CCDC102B: variants seen among roughly 807,000 people sequenced by gnomAD.
CCDC102B encodes coiled-coil domain-containing protein 102B.
A neutral mutation model predicts 57.4 loss-of-function variants in CCDC102B; 75 were observed. The ratio of observed to expected loss-of-function variants is 1.31; its 90% CI spans 1.08 to 1.58. The LOEUF (loss-of-function observed/expected upper bound fraction) is 1.58. CCDC102B is among the 40% of genes most tolerant of loss of function. The probability of loss-of-function intolerance (pLI) is 0.00; values close to 1 mark genes in which losing one functional copy is unlikely to be tolerated. For synonymous variants in CCDC102B, 206 were observed against 201.9 expected, an observed-to-expected ratio of 1.02 and a Z score of -0.17; for missense variants, 636 against 582.6, an observed-to-expected ratio of 1.09 and a Z score of -0.94.
chr18:68,730,328 C>G (rs1329585374), intron 2 of CCDC102B, among the ~76,000 whole-genome samples: 4 of 152,056 alleles, frequency 2.6e-5, no homozygotes, highest in Non-Finnish European at 4.4e-5. Flanking sequence ...TCTATATTTA[C>G]TTCTAAGTAT....
intron 2 of CCDC102B, among the ~76,000 whole-genome samples, chr18:68,781,715 A>G (rs1436557757): frequency 1.3e-5 from 2 of 152,280 alleles, no homozygotes; most frequent in East Asian, 3.9e-4. Context: ...TATTTTAAAA[A>G]TTGTCTAGAG....
chr18:68,924,835 CA>C (rs1013793021), intron 6 of CCDC102B, among the ~76,000 whole-genome samples: 2 of 152,098 alleles, frequency 1.3e-5, no homozygotes, highest in African/African-American at 4.8e-5. Flanking sequence ...CTGAGTTGTA[CA>C]AACACTTATG....
At chr18:68,890,879 TA>T (rs2040051068) in intron 5 of CCDC102B, among the ~76,000 whole-genome samples, 1 of 152,198 alleles carries the variant, frequency 6.6e-6, no homozygotes, top group African/African-American at 2.4e-5. Context: ...CATTTTTTTC[TA>T]GACTTTGACT....
rs893255782 is a variant in CCDC102B, at chr18:68,990,943, T to C, written c.1264-19991T>C. On this transcript the variant is annotated intron_variant, in intron 6 of 7. Coordinates refer to ENST00000360242, the MANE Select transcript of CCDC102B (RefSeq NM_024781.3). The stretch of plus-strand genomic sequence containing the variant: ...ATCTTTCTTGCCATTCCTCTATCAA[T>C]ATTTTTATTATATTTTCATTTTCTG... Among the ~76,000 whole-genome samples, 3 of 152,222 alleles carry C rather than the reference T, an allele frequency of 2.0e-5. No individual in the cohort carries two copies. In the East Asian group the frequency reaches 5.8e-4, roughly 29 times the overall value.
intron 6 of CCDC102B, among the ~76,000 whole-genome samples, chr18:68,901,010 C>T (rs1298853122): frequency 1.3e-5 from 2 of 152,256 alleles, no homozygotes; most frequent in Non-Finnish European, 2.9e-5. Context: ...CATGGATCAT[C>T]TATAAATTAC....
chr18:68,850,545 T>C (rs2144832899), intron 4 of CCDC102B, among the ~76,000 whole-genome samples: 1 of 152,228 alleles, frequency 6.6e-6, no homozygotes, highest in African/African-American at 2.4e-5. Flanking sequence ...CTCTTCCTTC[T>C]AGGTGGTTGA....
intron 6 of CCDC102B, among the ~76,000 whole-genome samples, chr18:68,982,352 TAA>T (rs2050610814): frequency 6.6e-6 from 1 of 152,010 alleles, no homozygotes; most frequent in African/African-American, 2.4e-5. Context: ...TCATAACCAA[TAA>T]TCATCCCCAC....
intron 1 of CCDC102B, among the ~76,000 whole-genome samples, chr18:68,832,465 C>T (rs1242042553): frequency 1.3e-5 from 2 of 152,076 alleles, no homozygotes; most frequent in Non-Finnish European, 2.9e-5. Context: ...AGCAGGTCAG[C>T]GGTGGATATT....
intron 1 of CCDC102B, among the ~76,000 whole-genome samples, chr18:68,808,638 C>T (rs1004400705): frequency 6.6e-6 from 1 of 151,854 alleles, no homozygotes; most frequent in Non-Finnish European, 1.5e-5. Flanking sequence ...CCACCACGCC[C>T]GGATAATTTT....
chr18:68,917,940 C>T (rs1039495557), intron 6 of CCDC102B, among the ~76,000 whole-genome samples: 3 of 151,976 alleles, frequency 2.0e-5, no homozygotes, highest in Non-Finnish European at 4.4e-5. Flanking sequence ...ACATAATATA[C>T]CTATTTTATT....
chr18:68,972,051 T>C (rs982864983), intron 6 of CCDC102B, among the ~76,000 whole-genome samples: 4 of 152,056 alleles, frequency 2.6e-5, no homozygotes, highest in Non-Finnish European at 5.9e-5. Flanking sequence ...ATATCTTTAT[T>C]TACAAAAAGA....
intron 4 of CCDC102B, among the ~76,000 whole-genome samples, chr18:68,853,920 A>T (rs963587272): frequency 6.6e-6 from 1 of 152,208 alleles, no homozygotes; most frequent in East Asian, 1.9e-4. Context: ...CTGTTAGAGA[A>T]CTAGACAAGA....
At chr18:68,948,984 G>A (rs966622291) in intron 6 of CCDC102B, among the ~76,000 whole-genome samples, 3 of 152,132 alleles carry the variant, frequency 2.0e-5, no homozygotes, top group South Asian at 4.1e-4. Flanking sequence ...GAGCCAGTCC[G>A]AGTCTCAAAA....
At chr18:68,929,544 C>T (rs1332681744) in intron 6 of CCDC102B, among the ~76,000 whole-genome samples, 1 of 151,924 alleles carries the variant, frequency 6.6e-6, no homozygotes, top group East Asian at 1.9e-4. Context: ...GCCTGGTAAC[C>T]TTAAAAATAG....
Position 68,767,597 on chromosome 18 carries a change from G to T in CCDC102B, c.-67+51003G>T, listed in dbSNP as rs567261133. ...TACTGACCAAAGTTGCTTCATACAT[G>T]ATACTAGAACCTCATGCAAACGATC... On this transcript the variant is annotated intron_variant, in intron 2 of 3. Coordinates refer to the CCDC102B transcript ENST00000578970. Among the ~76,000 whole-genome samples the T allele has an allele frequency of 3.9e-5, 6 of 152,294 alleles. No homozygotes were observed. In the South Asian group the frequency reaches 1.0e-3, roughly 26 times the overall value.
chr18:68,814,503 G>C (rs1223183895), intron 1 of CCDC102B, among the ~76,000 whole-genome samples: 1 of 151,932 alleles, frequency 6.6e-6, no homozygotes, highest in African/African-American at 2.4e-5. Context: ...TTCATTCAAT[G>C]GTCAGTTACA....
chr18:68,923,254 G>A lies in CCDC102B; in HGVS notation c.1263+25826G>A, dbSNP rs560702345. Among the ~76,000 whole-genome samples the A allele has an allele frequency of 4.6e-5, 7 of 151,286 alleles. No individual in the cohort carries two copies. The South Asian group carries it at 1.3e-3, about 27-fold the overall frequency. ...GTAACTCCCAAGAAAATTTTTCCAGGCACAAATATAGGTACTTAGTGTGTA... is the reference window on the plus strand; with the variant it reads ...GTAACTCCCAAGAAAATTTTTCCAGACACAAATATAGGTACTTAGTGTGTA... On this transcript the variant is annotated intron_variant, in intron 6 of 7. Coordinates refer to ENST00000360242, the MANE Select transcript of CCDC102B (RefSeq NM_024781.3).
chr18:68,830,025 T>C (rs547924134), intron 1 of CCDC102B, among the ~76,000 whole-genome samples: 2 of 152,012 alleles, frequency 1.3e-5, no homozygotes, highest in South Asian at 4.1e-4. Flanking sequence ...AATTATTTCA[T>C]AGAGTGATTT....
chr18:68,987,929 C>T (rs1348838014), intron 6 of CCDC102B, among the ~76,000 whole-genome samples: 1 of 152,092 alleles, frequency 6.6e-6, no homozygotes, highest in African/African-American at 2.4e-5. Context: ...AAAGGGAATG[C>T]TCATACACTG....
Sources: gnomAD v4.1 joint callset for allele counts (sites outside exome capture counted in the v4.1 genomes callset) on GRCh38, gnomAD v4.1.1 for gene constraint, MANE v1.5 for transcripts, NCBI Gene and HGNC (gene_info 2026-07-23, HGNC 2026-07-21) for gene names.